The following GASK1B variants were observed in gnomAD, a reference collection of about 807,000 sequenced individuals.
The protein encoded by GASK1B is golgi associated kinase 1B.
GASK1B carries 34 observed loss-of-function variants against 42.8 expected under a neutral mutation model. The observed-to-expected ratio is 0.79, with a 90% CI of 0.60 to 1.06. The LOEUF (loss-of-function observed/expected upper bound fraction) is 1.06, where lower values mean the gene tolerates loss of function less well. GASK1B is among the 50% of genes least tolerant of loss of function. GASK1B has a pLI of 0.00. For synonymous variants in GASK1B, 262 were observed against 259.1 expected (o/e 1.01, Z -0.11); for missense variants, 686 against 661.0 (o/e 1.04, Z -0.42).
chr4:158,132,782 T>C (rs1025631650), intron 3 of GASK1B, among the ~76,000 whole-genome samples: 1 of 151,904 alleles, frequency 6.6e-6, no homozygotes, highest in Non-Finnish European at 1.5e-5. Context: ...AAAAGGAGGG[T>C]TCTGTCAAGA....
chr4:158,139,975 A>G (rs1184148108), intron 3 of GASK1B, among the ~76,000 whole-genome samples: 2 of 152,156 alleles, frequency 1.3e-5, no homozygotes, highest in Non-Finnish European at 2.9e-5. Context: ...AAATTAATAG[A>G]TTTTCATTGC....
chr4:158,172,704 A>G (rs537010058), intron 1 of GASK1B, 164 bp downstream of exon 1: 1 of 152,162 alleles, frequency 6.6e-6, no homozygotes, highest in Non-Finnish European at 1.5e-5. Flanking sequence ...ACAGACTCAG[A>G]AATGTCAGTC....
At position 158,127,317 on chromosome 4, in the gene GASK1B, C is replaced by T. The variant is rs992411307; in HGVS notation, c.*90G>A. 2.8e-6 allele frequency: 3 copies of T among 1,085,260 alleles called. No individual in the cohort carries two copies. Among genetic ancestry groups the T allele is most frequent in the South Asian group, 1.5e-5 (1 of 67,772 alleles). 67.2% of individuals were successfully genotyped at this position (1,085,260 alleles called of 1,614,324 possible). A position where few individuals can be genotyped will look rare whatever the true frequency, so the allele number is the denominator to read the frequency against. ...CGTATTCATCTACACTGCCTCATTG[C>T]TAAACGGGCTTGAGGTTGATGTGCT... On this transcript the variant is annotated 3_prime_UTR_variant, in exon 5 of 5. Coordinates refer to ENST00000585682, the MANE Select transcript of GASK1B (RefSeq NM_001128424.2).
intron 3 of GASK1B, among the ~76,000 whole-genome samples, chr4:158,133,296 T>A: frequency 6.6e-6 from 1 of 152,274 alleles, no homozygotes; most frequent in African/African-American, 2.4e-5. Flanking sequence ...ACATTAAAAA[T>A]AAAAAAACTT....
chr4:158,136,742 C>A (rs1730906195), intron 3 of GASK1B, among the ~76,000 whole-genome samples: 1 of 152,162 alleles, frequency 6.6e-6, no homozygotes, highest in African/African-American at 2.4e-5. Context: ...TCCTCACCAT[C>A]TCTTTTCAAA....
intron 3 of GASK1B, among the ~76,000 whole-genome samples, chr4:158,150,748 A>C (rs1731525836): frequency 6.6e-6 from 1 of 152,328 alleles, no homozygotes; most frequent in East Asian, 1.9e-4. Flanking sequence ...ATAATGCTTA[A>C]AACCAGTTAC....
chr4:158,160,265 A>G (rs1168143303), intron 2 of GASK1B, among the ~76,000 whole-genome samples: 4 of 152,152 alleles, frequency 2.6e-5, no homozygotes, highest in Non-Finnish European at 5.9e-5. Context: ...ATAAACCTCC[A>G]TAAGGTTTTC....
At position 158,155,601 on chromosome 4, in the gene GASK1B, A is replaced by G. The variant is rs549550327; in HGVS notation, c.1125+10T>C. 2 of 1,610,802 alleles carry G rather than the reference A, an allele frequency of 1.2e-6. No individual in the cohort carries two copies. Among genetic ancestry groups the G allele is most frequent in the Admixed American group, 3.3e-5 (2 of 59,894 alleles). ...CTTAGATAACTATTTGCTTGATTTG[A>G]TAAACTTACCTGTAACAAAAAATCA... On this transcript the variant is annotated intron_variant, in intron 3 of 4. Coordinates refer to ENST00000585682, the MANE Select transcript of GASK1B (RefSeq NM_001128424.2).
At chr4:158,133,282 A>C (rs1366692005) in intron 3 of GASK1B, among the ~76,000 whole-genome samples, 1 of 152,162 alleles carries the variant, frequency 6.6e-6, no homozygotes, top group Admixed American at 6.5e-5. Context: ...ATCTAGTTAC[A>C]TTAACATTAA....
intron 2 of GASK1B, among the ~76,000 whole-genome samples, chr4:158,158,196 C>T (rs180896947): frequency 2.6e-5 from 4 of 152,090 alleles, no homozygotes; most frequent in African/African-American, 9.7e-5. Flanking sequence ...TCAAAACTGA[C>T]CTTATCAGGA....
At chr4:158,172,685 T>C (rs1462792600) in intron 1 of GASK1B, 183 bp downstream of exon 1, 1 of 152,142 alleles carries the variant, frequency 6.6e-6, no homozygotes, top group Admixed American at 6.6e-5. Flanking sequence ...TCTAGTGTCC[T>C]GTTCGCAAAC....
At position 158,127,245 on chromosome 4, in the gene GASK1B, CA is replaced by C; in HGVS notation, c.*161del. Reference sequence around the variant, plus strand: ...TTCAAAACCTTTTTAAGTATGCATACAGTGCTAAGTCCCATTATAGCTACTT... The same window carrying C: ...TTCAAAACCTTTTTAAGTATGCATACGTGCTAAGTCCCATTATAGCTACTT... On this transcript the variant is annotated 3_prime_UTR_variant, in exon 5 of 5. Transcript: ENST00000585682. 3 of 566,642 alleles carry C rather than the reference CA, an allele frequency of 5.3e-6. No homozygotes were observed. In the East Asian group the frequency reaches 8.6e-5, roughly 16 times the overall value. The allele number at this position is 566,642 out of a possible 1,614,324, so 35.1% of individuals were successfully genotyped here. A position where few individuals can be genotyped will look rare whatever the true frequency, so the allele number is the denominator to read the frequency against.
At position 158,146,678 on chromosome 4, in the gene GASK1B, A is replaced by C. The variant is rs114733217; in HGVS notation, c.1125+8933T>G. On this transcript the variant is annotated intron_variant, in intron 3 of 4. Coordinates refer to ENST00000585682, the MANE Select transcript of GASK1B (RefSeq NM_001128424.2). The stretch of plus-strand genomic sequence containing the variant: ...GAAATGTAACTGACTGCAGAGTCCC[A>C]GTTCCTAACACAATACAATACAGTG... 4.2e-3 allele frequency among the ~76,000 whole-genome samples: 637 copies of C among 152,330 alleles called. 3 individuals are homozygous for C. Among genetic ancestry groups the C allele is most frequent in the African/African-American group, 0.015 (608 of 41,570 alleles).
In GASK1B at chr4:158,170,734, G is replaced by A; in HGVS notation, c.642C>T (p.Ser214=). The A allele has an allele frequency of 6.2e-7, 1 of 1,614,258 alleles. No homozygotes were observed. The highest frequency in any genetic ancestry group is 8.5e-7 in the Non-Finnish European group (1 of 1,180,052). ...NIRIYSESAP[S]WLSKDDIRRM... is the part of the protein sequence containing the mutation. The stretch of plus-strand genomic sequence containing the variant: ...TTCGGATGTCATCTTTGCTCAGCCA[G>A]GAGGGGGCGCTCTCGCTGTAGATCC... The change falls in exon 2 of 5, where the codon TCC becomes TCT. Residue 214 remains serine, a synonymous_variant. Coordinates refer to ENST00000585682, the MANE Select transcript of GASK1B (RefSeq NM_001128424.2).
At chr4:158,132,065 G>T (rs1360114984) in intron 3 of GASK1B, among the ~76,000 whole-genome samples, 1 of 152,102 alleles carries the variant, frequency 6.6e-6, no homozygotes, top group Admixed American at 6.5e-5. Flanking sequence ...CATTTTAAAT[G>T]AAGAAAAATT....
chr4:158,168,527 T>C (rs1732318088), intron 2 of GASK1B: 1 of 152,168 alleles, frequency 6.6e-6, no homozygotes. Context: ...TTGTGGCAAA[T>C]ACTGGTTCTA....
At chr4:158,159,915 G>A (rs1020742102) in intron 2 of GASK1B, among the ~76,000 whole-genome samples, 2 of 152,086 alleles carry the variant, frequency 1.3e-5, no homozygotes, top group Admixed American at 6.6e-5. Flanking sequence ...CTGGCTGAGC[G>A]GTTTTGTGGA....
chr4:158,142,135 G>T lies in GASK1B; in HGVS notation c.1126-11123C>A, dbSNP rs11936729. Among the ~76,000 whole-genome samples the T allele has an allele frequency of 4.3e-3, 634 of 148,172 alleles. 3 individuals are homozygous for T. Among genetic ancestry groups the T allele is most frequent in the African/African-American group, 0.015 (606 of 40,102 alleles). On this transcript the variant is annotated intron_variant, in intron 3 of 4. Transcript: ENST00000585682. ...AATTTTTTGTATTTTTAGTAGAGAC[G>T]GGGTTTCACCTTGTTAGCCAGGATG...
At chr4:158,127,664 ACT>A (rs766243093) in intron 4 of GASK1B, 50 bp from the exon 5 acceptor site, 1 of 1,493,622 alleles carries the variant, frequency 6.7e-7, no homozygotes, top group Non-Finnish European at 9.2e-7. Flanking sequence ...TGGGAATAGT[ACT>A]CCTTACCCAA....
Sources: allele counts gnomAD v4.1 joint callset (sites outside exome capture counted in the v4.1 genomes callset), GRCh38; gene constraint gnomAD v4.1.1; transcripts MANE v1.5; gene names NCBI Gene and HGNC (gene_info 2026-07-23, HGNC 2026-07-21).